Variants in DET1 observed in about 807,000 individuals in gnomAD.
DET1 encodes DET1 partner of COP1 E3 ubiquitin ligase, also known as DET1 homolog.
In DET1, 22 loss-of-function variants were observed where a neutral mutation model predicts 43.7. That is an observed-to-expected ratio of 0.50 (90% confidence interval 0.36 to 0.72). The LOEUF is 0.72. Among genes scored for constraint, DET1 ranks in the 30% least tolerant of loss-of-function variants. DET1 has a pLI of 0.00. For missense variants in DET1, 713 were observed against 713.3 expected, an observed-to-expected ratio of 1.00 and a Z score of 0.00; for synonymous variants, 315 against 266.2, an observed-to-expected ratio of 1.18 and a Z score of -1.79.
In DET1 at chr15:88,530,816, T is replaced by C; in HGVS notation, c.890A>G (p.His297Arg). ...FRDPFINSLK[H>R]RLLVYLWRRA... ...GCGCCACAAATATACCAGCAACCGG[T>C]GTTTGAGGGAATTGATGAAAGGATC... Residue 297 changes from histidine to arginine, a missense_variant, in exon 2 of 5, where the codon CAC becomes CGC. Physicochemically the swap from His to Arg is conservative, Grantham distance 29. Coordinates refer to ENST00000268148, the MANE Select transcript of DET1 (RefSeq NM_001144074.3). 3 of 1,613,744 alleles carry C rather than the reference T, an allele frequency of 1.9e-6. No homozygotes were observed. Among genetic ancestry groups the C allele is most frequent in the Non-Finnish European group, 2.5e-6 (3 of 1,179,846 alleles).
At chr15:88,515,594 T>A (rs1465166643) in intron 4 of DET1, among the ~76,000 whole-genome samples, 4 of 127,054 alleles carry the variant, frequency 3.1e-5, no homozygotes, top group African/African-American at 8.6e-5. Flanking sequence ...ATGCAATGCA[T>A]GAACCTTGTT....
chr15:88,510,751 GTTGTT>G (rs1380388096), downstream of DET1, among the ~76,000 whole-genome samples: 6 of 148,646 alleles, frequency 4.0e-5, no homozygotes, highest in South Asian at 2.1e-4. Flanking sequence ...TTTGGTTGTT[GTTGTT>G]TTGTTTTTTT....
chr15:88,509,253 C>A (rs148508916), downstream of DET1, among the ~76,000 whole-genome samples: 602 of 152,250 alleles, frequency 4.0e-3, 3 homozygotes, highest in African/African-American at 0.014. Context: ...TGGGTTCAAG[C>A]AATCCTCCCA....
chr15:88,529,323 C>T (rs116725195), intron 2 of DET1, among the ~76,000 whole-genome samples: 93 of 152,272 alleles, frequency 6.1e-4, no homozygotes, highest in African/African-American at 1.9e-3. Flanking sequence ...ATTACTCAAA[C>T]ATTTACTAGC....
intron 4 of DET1, among the ~76,000 whole-genome samples, chr15:88,513,826 G>A (rs1261860573): frequency 9.9e-5 from 12 of 120,888 alleles, no homozygotes; most frequent in Admixed American, 2.9e-4. Context: ...TTGAGACGGA[G>A]TCTCGCTCTG....
chr15:88,536,550 C>A lies in DET1; in HGVS notation c.-10-4835G>T, dbSNP rs1236507034. Among the ~76,000 whole-genome samples, 5 of 152,096 alleles carry A rather than the reference C, an allele frequency of 3.3e-5. No homozygotes were observed. In the South Asian group the frequency reaches 1.0e-3, roughly 32 times the overall value. ...ATACCAGCACTTTGGGAGGCTGAGG[C>A]AGGGAGGTCACAAGGTCAGGAGTTC... On this transcript the variant is annotated intron_variant, in intron 1 of 4. Transcript: ENST00000268148.
intron 2 of DET1, among the ~76,000 whole-genome samples, chr15:88,530,300 G>T (rs2056776782): frequency 6.6e-6 from 1 of 152,138 alleles, no homozygotes; most frequent in Non-Finnish European, 1.5e-5. Flanking sequence ...AATCAAGGGA[G>T]GTTATCCATA....
intron 1 of DET1, among the ~76,000 whole-genome samples, chr15:88,539,962 C>T (rs2057060308): frequency 6.6e-6 from 1 of 151,916 alleles, no homozygotes; most frequent in South Asian, 2.1e-4. Context: ...GGGAAACCTA[C>T]ACCTGTCATG....
At chr15:88,540,386 T>A (rs1284399244) in intron 1 of DET1, among the ~76,000 whole-genome samples, 1 of 151,874 alleles carries the variant, frequency 6.6e-6, no homozygotes, top group East Asian at 1.9e-4. Flanking sequence ...TTTCTGATAC[T>A]CCAGCCCCCC....
At chr15:88,513,211 G>A (rs2056241586) in intron 4 of DET1, 71 bp from the exon 5 acceptor site, 2 of 1,443,698 alleles carry the variant, frequency 1.4e-6, no homozygotes, top group Non-Finnish European at 1.9e-6. Context: ...CTGAAATCTA[G>A]ACAGCAGGGG....
At chr15:88,522,516 T>TTTTTTTTTTTTTTTTTTTTC (rs2056522597) in intron 3 of DET1, among the ~76,000 whole-genome samples, 1 of 135,798 alleles carries the variant, frequency 7.4e-6, no homozygotes, top group Non-Finnish European at 1.6e-5. Context: ...TTCCTGGTTT[T>TTTTTTTTTTTTTTTTTTTTC]TTTTTTTTTT....
At chr15:88,523,682 C>T (rs1276137655) in intron 3 of DET1, among the ~76,000 whole-genome samples, 1 of 152,250 alleles carries the variant, frequency 6.6e-6, no homozygotes, top group Non-Finnish European at 1.5e-5. Flanking sequence ...CGCGAGTGAT[C>T]TGCCCGCCTC....
intron 3 of DET1, among the ~76,000 whole-genome samples, chr15:88,527,091 C>T (rs1235347161): frequency 6.6e-6 from 1 of 152,132 alleles, no homozygotes; most frequent in East Asian, 1.9e-4. Context: ...GCTTTTAAAA[C>T]TTTGTTAATA....
chr15:88,522,905 A>G (rs1598326215), intron 3 of DET1, among the ~76,000 whole-genome samples: 2 of 139,956 alleles, frequency 1.4e-5, no homozygotes, highest in African/African-American at 5.4e-5. Flanking sequence ...TTTTTGAGAT[A>G]GGGTCTTACT....
chr15:88,524,612 T>C (rs1032645386), intron 3 of DET1, among the ~76,000 whole-genome samples: 1 of 152,264 alleles, frequency 6.6e-6, no homozygotes, highest in African/African-American at 2.4e-5. Flanking sequence ...TGTTCTGTAC[T>C]AAGAAAAATT....
At position 88,513,954 on chromosome 15, in the gene DET1, C is replaced by T. The variant is rs2056272311; in HGVS notation, c.1464-814G>A. On this transcript the variant is annotated intron_variant, in intron 4 of 4. Transcript: ENST00000268148. ...AGCTGGGACTACAGGCGCCCGCTAC[C>T]ACGCCCGGCTAATTTTTTGTATTTT... is the stretch of plus-strand genomic sequence containing the variant. Among the ~76,000 whole-genome samples, 6 of 150,044 alleles carry T rather than the reference C, an allele frequency of 4.0e-5. No individual in the cohort carries two copies. In the South Asian group the frequency reaches 1.1e-3, roughly 27 times the overall value.
chr15:88,533,927 G>A (rs1199759937), intron 1 of DET1, among the ~76,000 whole-genome samples: 1 of 132,970 alleles, frequency 7.5e-6, no homozygotes, highest in Non-Finnish European at 1.6e-5. Flanking sequence ...CAAATTCACA[G>A]AAACAAAGAA....
intron 1 of DET1, among the ~76,000 whole-genome samples, chr15:88,534,171 G>C (rs2056889234): frequency 6.6e-6 from 1 of 152,118 alleles, no homozygotes; most frequent in Non-Finnish European, 1.5e-5. Context: ...ATATGGCAAA[G>C]TCTTCTAATT....
At chr15:88,506,710 T>C (rs1226777037) in intron 7 of DET1, among the ~76,000 whole-genome samples, 1 of 152,202 alleles carries the variant, frequency 6.6e-6, no homozygotes, top group African/African-American at 2.4e-5. Flanking sequence ...TTAAAAATTA[T>C]CTAATTTAGG....
Sources: allele counts gnomAD v4.1 joint callset (sites outside exome capture counted in the v4.1 genomes callset), GRCh38; gene constraint gnomAD v4.1.1; transcripts MANE v1.5; gene names NCBI Gene and HGNC (gene_info 2026-07-23, HGNC 2026-07-21).